LRRC56: variants seen among roughly 807,000 people sequenced by gnomAD.
LRRC56 encodes leucine rich repeat containing 56.
A neutral mutation model predicts 47.8 loss-of-function variants in LRRC56; 41 were observed. That is an observed-to-expected ratio of 0.86 (90% CI 0.67 to 1.11). The LOEUF (loss-of-function observed/expected upper bound fraction) is 1.11. LRRC56 is among the 50% of genes most tolerant of loss of function. The pLI is 0.00. For missense variants in LRRC56, 759 were observed against 704.2 expected (o/e 1.08, Z -0.88); for synonymous variants, 387 against 311.2 (o/e 1.24, Z -2.56).
In LRRC56 at chr11:551,683, G is replaced by A. The variant is rs771020303; in HGVS notation, c.829G>A (p.Asp277Asn). The change falls in exon 10 of 14, where the codon GAC (aspartate) becomes AAC (asparagine). Residue 277 changes from aspartate (D) to asparagine (N), a missense_variant. By Grantham distance (23) the Asp-to-Asn change is conservative (BLOSUM62 1). Coordinates refer to ENST00000270115, the MANE Select transcript of LRRC56 (RefSeq NM_198075.4). ...CPRGAPIRRL[D>N]PELSLPETQS... ...CCGTGGAGCCCCCATCCGGAGACTT[G>A]ACCCCGAGCTGTCCCTGCCTGAGAC... 2 of 1,600,030 alleles carry A rather than the reference G, an allele frequency of 1.2e-6. No homozygotes were observed. Among genetic ancestry groups the A allele is most frequent in the South Asian group, 2.2e-5 (2 of 89,712 alleles).
the LRRC56 span, chr11:532,457 T>G: frequency 2.2e-5 from 19 of 870,760 alleles, no homozygotes; most frequent in Admixed American, 1.2e-4. Flanking sequence ...GCTTCCGTCC[T>G]TCCTTCCTCC....
chr11:509,324 T>A, the LRRC56 span, among the ~76,000 whole-genome samples: 3 of 152,230 alleles, frequency 2.0e-5, no homozygotes, highest in East Asian at 5.8e-4. Context: ...AATGTTCTGG[T>A]TTCATTTCAT....
At chr11:527,740 G>A in the LRRC56 span, among the ~76,000 whole-genome samples, 5 of 122,398 alleles carry the variant, frequency 4.1e-5, no homozygotes, top group Admixed American at 1.9e-4. Flanking sequence ...CGCTCTTGTT[G>A]CCCAGGCTGG....
At chr11:526,320 C>T in the LRRC56 span, among the ~76,000 whole-genome samples, 1 of 152,204 alleles carries the variant, frequency 6.6e-6, no homozygotes, top group Non-Finnish European at 1.5e-5. Flanking sequence ...GCTGTGGCCA[C>T]CAGCCAACTG....
chr11:544,122 C>A (rs1452910427), intron 5 of LRRC56, among the ~76,000 whole-genome samples: 1 of 152,252 alleles, frequency 6.6e-6, no homozygotes, highest in Non-Finnish European at 1.5e-5. Flanking sequence ...ACAAAAGACT[C>A]CGAACGCAGA....
Position 554,876 on chromosome 11 carries a change from T to G in LRRC56, c.*600T>G. The G allele has an allele frequency of 1.2e-6, 1 of 805,256 alleles. No individual in the cohort carries two copies. Among genetic ancestry groups the G allele is most frequent in the Non-Finnish European group, 1.8e-6 (1 of 548,378 alleles). 49.9% of individuals were successfully genotyped at this position (805,256 alleles called of 1,614,324 possible). ...CAGGTGTACAGAAATGCGGTTTACTTTGTAGGCCACGTTGGTTCAATAAAT... is the reference window on the plus strand; with the variant it reads ...CAGGTGTACAGAAATGCGGTTTACTGTGTAGGCCACGTTGGTTCAATAAAT... On this transcript the variant is annotated 3_prime_UTR_variant, in exon 14 of 14. Coordinates refer to ENST00000270115, the MANE Select transcript of LRRC56 (RefSeq NM_198075.4).
In LRRC56 at chr11:544,291, C is replaced by T. The variant is rs183055888; in HGVS notation, c.266-429C>T. ...GGGCCCAGACTTTGAGCCAAGGGAGCACCACCCAGCCACGCCAGCCTGGCC... is the reference window on the plus strand; with the variant it reads ...GGGCCCAGACTTTGAGCCAAGGGAGTACCACCCAGCCACGCCAGCCTGGCC... On this transcript the variant is annotated intron_variant, in intron 5 of 13. Transcript: ENST00000270115. Among the ~76,000 whole-genome samples the T allele has an allele frequency of 3.2e-3, 483 of 152,252 alleles. 3 individuals carry two copies. The highest frequency in any genetic ancestry group is 0.011 in the African/African-American group (449 of 41,542).
intron 6 of LRRC56, 49 bp downstream of exon 6, chr11:544,829 A>C: frequency 3.4e-6 from 4 of 1,185,508 alleles, no homozygotes; most frequent in Non-Finnish European, 4.7e-6. Flanking sequence ...AGGGGGTCCG[A>C]TGGGACAGGC....
At chr11:551,617 G>C (rs1014398240) in intron 9 of LRRC56, 34 bp from the exon 10 acceptor site, 6 of 1,526,682 alleles carry the variant, frequency 3.9e-6, no homozygotes, top group Non-Finnish European at 5.3e-6. Context: ...CTCAGGCTGG[G>C]CCTTGGTGAC....
Position 551,961 on chromosome 11 carries a change from G to A in LRRC56, c.1032G>A (p.Gln344=), listed in dbSNP as rs375745181. ...AGGGCCTGCGGGAGCGTAGGCACCA[G>A]TGCCAGGTACAGCCCACAGGGACCA... ...PTKGLRERRH[Q]CQAREPPEQL... Residue 344 remains glutamine (Q), a synonymous_variant, in exon 11 of 14, where the codon CAG becomes CAA. Transcript: ENST00000270115. The A allele has an allele frequency of 7.5e-5, 121 of 1,612,716 alleles. No individual in the cohort carries two copies. The Middle Eastern group carries it at 1.7e-3, about 22-fold the overall frequency.
the LRRC56 span, among the ~76,000 whole-genome samples, chr11:526,923 C>T: frequency 6.6e-6 from 1 of 150,410 alleles, no homozygotes; most frequent in Non-Finnish European, 1.5e-5. Flanking sequence ...GGCGACAGAG[C>T]GAGACACCGT....
chr11:553,872 G>T lies in LRRC56; in HGVS notation c.1316-91G>T, dbSNP rs140579137. 1.8e-3 allele frequency: 2,102 copies of T among 1,183,042 alleles called. 5 individuals are homozygous for T. Among genetic ancestry groups the T allele is most frequent in the Non-Finnish European group, 2.1e-3 (1,718 of 824,486 alleles). The allele number at this position is 1,183,042 out of a possible 1,614,324, so 73.3% of individuals were successfully genotyped here. On this transcript the variant is annotated intron_variant, in intron 13 of 13. Transcript: ENST00000270115. ...CCCCAAGGACCACTGCCTCGGGGCT[G>T]CAGGGCCACGGGTGGGCTGTGGCCT... is the stretch of plus-strand genomic sequence containing the variant.
In LRRC56 at chr11:541,690, T is replaced by G. The variant is rs1023310615; in HGVS notation, c.265+66T>G. On this transcript the variant is annotated intron_variant, in intron 5 of 13. Transcript: ENST00000270115. This position sits in a 1 kb window ranked among gnomAD's most constrained non-coding sequence, Gnocchi z 4.1. ...ACGCCTCCCTGTAAACAACACACGT[T>G]TCCTGGTTATGACGACAAAGCTGTC... 9.8e-7 allele frequency: 1 copy of G among 1,024,050 alleles called. No homozygotes were observed. Among genetic ancestry groups the G allele is most frequent in the African/African-American group, 1.6e-5 (1 of 60,708 alleles). 63.4% of individuals were successfully genotyped at this position (1,024,050 alleles called of 1,614,324 possible).
At chr11:531,371 G>A in the LRRC56 span, among the ~76,000 whole-genome samples, 1 of 152,192 alleles carries the variant, frequency 6.6e-6, no homozygotes, top group African/African-American at 2.4e-5. Context: ...TGGGAGGGGA[G>A]GGGCACCAGG....
Position 551,447 on chromosome 11 carries a change from C to T in LRRC56, c.796+145C>T, listed in dbSNP as rs539246308. 84 of 790,022 alleles carry T rather than the reference C, an allele frequency of 1.1e-4. No homozygotes were observed. The South Asian group carries it at 1.4e-3, about 14-fold the overall frequency. The allele number at this position is 790,022 out of a possible 1,614,324, so 48.9% of individuals were successfully genotyped here. A position where few individuals can be genotyped will look rare whatever the true frequency, so the allele number is the denominator to read the frequency against. On this transcript the variant is annotated intron_variant, in intron 9 of 13. Transcript: ENST00000270115. ...CCCGGTCCCCAGAGCTGTGCACACC[C>T]GGCCCCAGGCCAGGACACTGTCTCT...
the LRRC56 span, among the ~76,000 whole-genome samples, chr11:509,434 T>C: frequency 6.6e-6 from 1 of 152,226 alleles, no homozygotes. Context: ...TGTGACACCT[T>C]GTGGGGAAGG....
Position 550,161 on chromosome 11 carries a change from C to T in LRRC56, c.513C>T (p.Ser171=), listed in dbSNP as rs148311239. Residue 171 remains serine, a synonymous_variant, in exon 8 of 14, where the codon AGC becomes AGT. Coordinates refer to ENST00000270115, the MANE Select transcript of LRRC56 (RefSeq NM_198075.4). ...QLEVLDLEGN[S]VEDLGQVRYL... ...AGGTGCTGGACCTGGAGGGCAACAG[C>T]GTGGAGGACCTGGGGCAGGTGCGCT... The T allele has an allele frequency of 3.1e-4, 503 of 1,613,336 alleles. 3 individuals carry two copies. The East Asian group carries it at 9.0e-3, about 29-fold the overall frequency.
chr11:541,287 C>G lies in LRRC56; in HGVS notation c.178-250C>G, dbSNP rs906900902. On this transcript the variant is annotated intron_variant, in intron 4 of 13. Coordinates refer to ENST00000270115, the MANE Select transcript of LRRC56 (RefSeq NM_198075.4). The surrounding 1 kb of genome is among the most constrained non-coding windows in gnomAD (Gnocchi z 4.1). ...GGTGTGGTGTGTCTGCCCTGGGAGT[C>G]TCTCTGGAGACGGGCAGCCCCCAGG... 1.1e-4 allele frequency among the ~76,000 whole-genome samples: 16 copies of G among 152,170 alleles called. No homozygotes were observed. Among genetic ancestry groups the G allele is most frequent in the Non-Finnish European group, 1.5e-5 (1 of 68,016 alleles).
the LRRC56 span, among the ~76,000 whole-genome samples, chr11:530,405 C>T: frequency 6.6e-6 from 1 of 151,912 alleles, no homozygotes; most frequent in Non-Finnish European, 1.5e-5. Context: ...TCGGAGGCTG[C>T]TGGGGAGAAG....
Sources: allele counts gnomAD v4.1 joint callset (sites outside exome capture counted in the v4.1 genomes callset), GRCh38; gene constraint gnomAD v4.1.1; non-coding constraint Gnocchi (gnomAD v3.1); transcripts MANE v1.5; gene names NCBI Gene and HGNC (gene_info 2026-07-23, HGNC 2026-07-21).